FAM227B: variants seen among roughly 807,000 people sequenced by gnomAD.
The protein encoded by FAM227B is family with sequence similarity 227 member B, also known as protein FAM227B.
Under a neutral mutation model 73.8 loss-of-function variants are expected in FAM227B, and 88 were observed. The observed-to-expected ratio is 1.19, with a 90% CI of 1.00 to 1.42. The LOEUF (loss-of-function observed/expected upper bound fraction) is 1.42, where lower values mean the gene tolerates loss of function less well. Ranked by LOEUF, FAM227B falls within the 40% of genes most tolerant of loss-of-function variation. The probability of loss-of-function intolerance (pLI) is 0.00; values close to 1 mark genes in which losing one functional copy is unlikely to be tolerated. For missense variants in FAM227B, 632 were observed against 590.9 expected (o/e 1.07, Z -0.72); for synonymous variants, 210 against 190.5 (o/e 1.10, Z -0.84).
At chr15:49,439,433 G>A (rs1449487118) in intron 11 of FAM227B, among the ~76,000 whole-genome samples, 1 of 151,716 alleles carries the variant, frequency 6.6e-6, no homozygotes, top group African/African-American at 2.4e-5. Context: ...AAAACGTGGG[G>A]GGAGGGAACT....
chr15:49,412,906 C>A (rs1005379489), intron 11 of FAM227B, among the ~76,000 whole-genome samples: 1 of 152,092 alleles, frequency 6.6e-6, no homozygotes, highest in Non-Finnish European at 1.5e-5. Context: ...GTCCAGATCT[C>A]TCTGATCCAG....
chr15:49,584,878 A>AGGGG (rs1286577013), intron 5 of FAM227B, among the ~76,000 whole-genome samples: 2 of 152,166 alleles, frequency 1.3e-5, no homozygotes, highest in Non-Finnish European at 2.9e-5. Flanking sequence ...GCACAGCAAA[A>AGGGG]GAAACTACCA....
chr15:49,426,529 T>G (rs2050146467), intron 11 of FAM227B, among the ~76,000 whole-genome samples: 1 of 151,930 alleles, frequency 6.6e-6, no homozygotes, highest in Admixed American at 6.6e-5. Context: ...TATCTTCAAC[T>G]GGAATACATT....
chr15:49,374,258 A>G (rs1265232302), intron 11 of FAM227B, among the ~76,000 whole-genome samples: 2 of 152,208 alleles, frequency 1.3e-5, no homozygotes, highest in Admixed American at 6.5e-5. Flanking sequence ...AATCCTGTAA[A>G]TGGTCAGAAT....
At position 49,332,087 on chromosome 15, in the gene FAM227B, C is replaced by CCACACACACA. The variant is rs377139081; in HGVS notation, c.1350-248_1350-239dup. ...CACCCCCGCTGCATGTGCACACGTG[C>CCACACACACA]CACACACACACACACACACACACAC... On this transcript the variant is annotated intron_variant, in intron 14 of 15. Transcript: ENST00000299338. Among the ~76,000 whole-genome samples the CCACACACACA allele has an allele frequency of 1.4e-3, 182 of 127,984 alleles. 1 individual carries two copies. In the Middle Eastern group the frequency reaches 0.019, roughly 14 times the overall value. The allele number at this position is 127,984 out of a possible 152,430, so 84.0% of individuals were successfully genotyped here.
At chr15:49,407,048 A>G (rs1408726488) in intron 11 of FAM227B, among the ~76,000 whole-genome samples, 1 of 152,164 alleles carries the variant, frequency 6.6e-6, no homozygotes, top group African/African-American at 2.4e-5. Context: ...ACTGACCTGC[A>G]GAGTTCAGGT....
At chr15:49,442,387 C>T (rs1863121334) in intron 11 of FAM227B, among the ~76,000 whole-genome samples, 1 of 151,682 alleles carries the variant, frequency 6.6e-6, no homozygotes, top group Admixed American at 6.6e-5. Flanking sequence ...CTGCACACTG[C>T]TGAGTACCTT....
chr15:49,458,856 T>C (rs1018913865), intron 11 of FAM227B, among the ~76,000 whole-genome samples: 1 of 152,148 alleles, frequency 6.6e-6, no homozygotes, highest in Non-Finnish European at 1.5e-5. Context: ...TGCACCAGTA[T>C]TTTGTCTATT....
chr15:49,429,892 A>G (rs1221923807), intron 11 of FAM227B, among the ~76,000 whole-genome samples: 1 of 151,912 alleles, frequency 6.6e-6, no homozygotes, highest in African/African-American at 2.4e-5. Flanking sequence ...AAGTTCTCCA[A>G]TGATTCTAAA....
At chr15:49,401,382 A>C (rs1416670544) in intron 11 of FAM227B, among the ~76,000 whole-genome samples, 1 of 152,012 alleles carries the variant, frequency 6.6e-6, no homozygotes, top group Non-Finnish European at 1.5e-5. Flanking sequence ...GAGAAATAGG[A>C]ACACTTTTAC....
chr15:49,380,188 GACT>G (rs2046431485), intron 11 of FAM227B, among the ~76,000 whole-genome samples: 1 of 152,182 alleles, frequency 6.6e-6, no homozygotes, highest in Admixed American at 6.5e-5. Context: ...AGTACTGCCA[GACT>G]ACTACCTAAG....
At chr15:49,328,720 C>T in intron 15 of FAM227B, 45 bp from the exon 16 acceptor site, 2 of 1,538,664 alleles carry the variant, frequency 1.3e-6, no homozygotes, top group Non-Finnish European at 1.8e-6. Flanking sequence ...TCTTCTTGGA[C>T]ATTGTATAAT....
chr15:49,584,350 T>A (rs2076011683), intron 5 of FAM227B, among the ~76,000 whole-genome samples: 1 of 152,168 alleles, frequency 6.6e-6, no homozygotes, highest in South Asian at 2.1e-4. Flanking sequence ...AACTACATAT[T>A]GAAGGTACAT....
intron 11 of FAM227B, among the ~76,000 whole-genome samples, chr15:49,409,183 GCTT>G (rs1820375474): frequency 6.6e-6 from 1 of 152,018 alleles, no homozygotes; most frequent in Non-Finnish European, 1.5e-5. Context: ...GTATTGGAGG[GCTT>G]CTTATTTGGG....
At chr15:49,620,153 C>T (rs1208426640) in intron 1 of FAM227B, 1 of 152,186 alleles carries the variant, frequency 6.6e-6, no homozygotes, top group African/African-American at 2.4e-5. Context: ...AAAAAGAAGC[C>T]TTTATTGACC....
At chr15:49,529,590 A>C (rs1025492562) in intron 10 of FAM227B, among the ~76,000 whole-genome samples, 1 of 151,690 alleles carries the variant, frequency 6.6e-6, no homozygotes, top group Non-Finnish European at 1.5e-5. Context: ...AAATAATACA[A>C]GGAGATACTC....
At chr15:49,329,716 A>C in intron 15 of FAM227B, 8 of 973,058 alleles carry the variant, frequency 8.2e-6, no homozygotes, top group Non-Finnish European at 8.5e-6. Context: ...ATTTATTTAA[A>C]TTTATAATCC....
intron 11 of FAM227B, chr15:49,488,358 T>C (rs530234862): frequency 6.6e-6 from 1 of 152,014 alleles, no homozygotes; most frequent in Non-Finnish European, 1.5e-5. Flanking sequence ...GGGACACATA[T>C]ACTCCCACCT....
chr15:49,600,998 C>T (rs1028022555), intron 3 of FAM227B, among the ~76,000 whole-genome samples: 5 of 147,318 alleles, frequency 3.4e-5, no homozygotes, highest in Admixed American at 2.0e-4. Flanking sequence ...GTGGAGATCG[C>T]GCCATTGCAC....
Sources: gnomAD v4.1 joint callset for allele counts (sites outside exome capture counted in the v4.1 genomes callset) on GRCh38, gnomAD v4.1.1 for gene constraint, MANE v1.5 for transcripts, NCBI Gene and HGNC (gene_info 2026-07-23, HGNC 2026-07-21) for gene names.